Variants in ZC2HC1A observed in about 807,000 individuals in gnomAD.
ZC2HC1A encodes the protein zinc finger C2HC-type containing 1A.
ZC2HC1A carries 28 observed loss-of-function variants against 40.7 expected under a neutral mutation model. That is an observed-to-expected ratio of 0.69 (90% CI 0.51 to 0.94). ZC2HC1A has a LOEUF of 0.94. Ranked by LOEUF, ZC2HC1A falls within the 40% of genes least tolerant of loss-of-function variation. The pLI is 0.00. For synonymous variants in ZC2HC1A, 129 were observed against 129.2 expected (o/e 1.00, Z 0.01); for missense variants, 389 against 386.3 (o/e 1.01, Z -0.06).
chr8:78,718,913 G>A lies in ZC2HC1A; in HGVS notation c.*1420G>A, dbSNP rs1413918407. On this transcript the variant is annotated 3_prime_UTR_variant, in exon 9 of 9. Transcript: ENST00000263849. ...ATTCTGATCAACTATAAGACACAAT[G>A]TAAAGAATTGTGGCTTATAATTTAT... is the stretch of plus-strand genomic sequence containing the variant. 6 of 151,370 alleles carry A rather than the reference G, an allele frequency of 4.0e-5. No homozygotes were observed. Among genetic ancestry groups the A allele is most frequent in the Non-Finnish European group, 3.0e-5 (2 of 67,586 alleles). The allele number at this position is 151,370 out of a possible 1,614,324, so 9.4% of individuals were successfully genotyped here.
intron 4 of ZC2HC1A, among the ~76,000 whole-genome samples, chr8:78,688,939 C>G (rs1810114362): frequency 6.6e-6 from 1 of 151,714 alleles, no homozygotes. Flanking sequence ...TTTTCCTCTG[C>G]TTACTCTTTT....
chr8:78,677,390 T>A (rs1402114614), intron 2 of ZC2HC1A, among the ~76,000 whole-genome samples: 3 of 151,962 alleles, frequency 2.0e-5, no homozygotes, highest in African/African-American at 7.2e-5. Context: ...GAACACTAGA[T>A]AAGCTCAAGA....
At chr8:78,713,621 C>T (rs1350182328) in intron 7 of ZC2HC1A, among the ~76,000 whole-genome samples, 1 of 152,072 alleles carries the variant, frequency 6.6e-6, no homozygotes, top group Admixed American at 6.6e-5. Context: ...TTGGAGTGAG[C>T]ATTTGAAGAG....
At position 78,716,471 on chromosome 8, in the gene ZC2HC1A, A is replaced by G. The variant is rs185066260; in HGVS notation, c.813-857A>G. 1.5e-3 allele frequency among the ~76,000 whole-genome samples: 231 copies of G among 152,220 alleles called. 2 individuals are homozygous for G. Among genetic ancestry groups the G allele is most frequent in the Non-Finnish European group, 2.0e-3 (138 of 67,990 alleles). Reference sequence around the variant, plus strand: ...TAGAGACCTCCCTGTGAGTGCATGCATAAGAGTTTGTTATTTATTGCATCA... The same window carrying G: ...TAGAGACCTCCCTGTGAGTGCATGCGTAAGAGTTTGTTATTTATTGCATCA... On this transcript the variant is annotated intron_variant, in intron 8 of 8. Transcript: ENST00000263849.
chr8:78,711,483 A>T (rs991386337), intron 7 of ZC2HC1A, among the ~76,000 whole-genome samples: 5 of 152,034 alleles, frequency 3.3e-5, no homozygotes, highest in Non-Finnish European at 7.4e-5. Context: ...ACATTTCAGA[A>T]ATAAAGTCAC....
chr8:78,679,870 G>A (rs1462400127), intron 3 of ZC2HC1A, among the ~76,000 whole-genome samples: 2 of 152,144 alleles, frequency 1.3e-5, no homozygotes, highest in Non-Finnish European at 1.5e-5. Context: ...TGAATAAGCT[G>A]TATAAATCAA....
intron 7 of ZC2HC1A, among the ~76,000 whole-genome samples, chr8:78,700,863 G>T (rs1222866004): frequency 6.6e-6 from 1 of 151,652 alleles, no homozygotes; most frequent in East Asian, 1.9e-4. Context: ...ACTGGTCCAT[G>T]TTCCAGTACC....
At chr8:78,686,753 G>T in intron 4 of ZC2HC1A, 145 bp downstream of exon 4, 1 of 782,408 alleles carries the variant, frequency 1.3e-6, no homozygotes, top group South Asian at 5.7e-5. Flanking sequence ...AATGGTGGTG[G>T]TAATCTAGTC....
intron 2 of ZC2HC1A, among the ~76,000 whole-genome samples, chr8:78,676,863 A>G (rs896839242): frequency 3.3e-5 from 5 of 152,030 alleles, no homozygotes; most frequent in Non-Finnish European, 7.4e-5. Flanking sequence ...TATTTAACTT[A>G]ATGATGTTAT....
intron 5 of ZC2HC1A, 92 bp from the exon 6 acceptor site, chr8:78,697,315 C>G: frequency 9.5e-7 from 1 of 1,055,228 alleles, no homozygotes; most frequent in South Asian, 1.8e-5. Flanking sequence ...GGCTGAAATC[C>G]TAAACCCAAA....
intron 4 of ZC2HC1A, among the ~76,000 whole-genome samples, 183 bp from the exon 5 acceptor site, chr8:78,689,039 T>TC (rs1471690110): frequency 6.6e-6 from 1 of 151,590 alleles, no homozygotes; most frequent in Non-Finnish European, 1.5e-5. Context: ...GCAGACTTTT[T>TC]TTTTTTTTAA....
At chr8:78,687,952 ATATC>A (rs1263188759) in intron 4 of ZC2HC1A, among the ~76,000 whole-genome samples, 30 of 143,962 alleles carry the variant, frequency 2.1e-4, no homozygotes, top group East Asian at 5.9e-4. Flanking sequence ...TATATAAACT[ATATC>A]TATATTTATA....
intron 8 of ZC2HC1A, among the ~76,000 whole-genome samples, 190 bp downstream of exon 8, chr8:78,715,518 TA>T (rs1811074276): frequency 6.6e-6 from 1 of 152,194 alleles, no homozygotes; most frequent in Non-Finnish European, 1.5e-5. Flanking sequence ...TGTAAAGGAT[TA>T]ACCCTTCTAC....
intron 2 of ZC2HC1A, among the ~76,000 whole-genome samples, 193 bp from the exon 3 acceptor site, chr8:78,678,370 G>C (rs566607695): frequency 3.3e-5 from 5 of 152,150 alleles, no homozygotes; most frequent in Non-Finnish European, 5.9e-5. Flanking sequence ...AGATAACTTA[G>C]AGCGTGCATT....
At chr8:78,676,439 C>T (rs1317012966) in intron 2 of ZC2HC1A, among the ~76,000 whole-genome samples, 10 of 151,838 alleles carry the variant, frequency 6.6e-5, no homozygotes, top group Admixed American at 1.3e-4. Flanking sequence ...CAAATAAAAA[C>T]GCTTTTAACT....
Position 78,693,632 on chromosome 8 carries a change from G to A in ZC2HC1A, c.505-3775G>A, listed in dbSNP as rs1486462761. Among the ~76,000 whole-genome samples, 13 of 151,960 alleles carry A rather than the reference G, an allele frequency of 8.6e-5. No homozygotes were observed. In the South Asian group the frequency reaches 1.9e-3, roughly 22 times the overall value. ...AGTTCATTGTAGATTCTGGATATTA[G>A]CCCTTTGTCAGATGAGTAGATTGCA... On this transcript the variant is annotated intron_variant, in intron 5 of 8. Transcript: ENST00000263849.
chr8:78,715,094 T>A (rs1206048664), intron 7 of ZC2HC1A, 127 bp from the exon 8 acceptor site: 1 of 763,668 alleles, frequency 1.3e-6, no homozygotes, highest in Non-Finnish European at 2.0e-6. Flanking sequence ...AAAATAATTA[T>A]TGGGACTTTA....
chr8:78,685,242 CA>C (rs1248181747), intron 3 of ZC2HC1A, among the ~76,000 whole-genome samples: 1 of 97,378 alleles, frequency 1.0e-5, no homozygotes, highest in African/African-American at 3.1e-5. Context: ...AAGGATAGGA[CA>C]ACTGCATAGC....
rs151283921 is a variant in ZC2HC1A at position 78,680,052 on chromosome 8, C to A, written c.210+1373C>A. On this transcript the variant is annotated intron_variant, in intron 3 of 8. Transcript: ENST00000263849. ...TTGCTACATACCGTATTATTCTGGG[C>A]AAGTTATTTAATGTAATTATGCTTC... Among the ~76,000 whole-genome samples, 301 of 152,060 alleles carry A rather than the reference C, an allele frequency of 2.0e-3. 1 individual carries two copies. Among genetic ancestry groups the A allele is most frequent in the South Asian group, 7.9e-3 (38 of 4,818 alleles).
Sources: allele counts gnomAD v4.1 joint callset (sites outside exome capture counted in the v4.1 genomes callset), GRCh38; gene constraint gnomAD v4.1.1; transcripts MANE v1.5; gene names NCBI Gene and HGNC (gene_info 2026-07-23, HGNC 2026-07-21).